ROGDI: variants seen among roughly 807,000 people sequenced by gnomAD.
ROGDI encodes protein rogdi homolog.
In ROGDI, 46 loss-of-function variants were observed where a neutral mutation model predicts 43.1. That is an observed-to-expected ratio of 1.07 (90% CI 0.84 to 1.37). ROGDI has a LOEUF of 1.37. Among genes scored for constraint, ROGDI ranks in the 40% most tolerant of loss-of-function variants. The pLI, the probability that ROGDI is intolerant of heterozygous loss-of-function variation, is 0.00. For missense variants in ROGDI, 518 were observed against 383.9 expected, an observed-to-expected ratio of 1.35 and a Z score of -2.92; for synonymous variants, 243 against 162.0, an observed-to-expected ratio of 1.50 and a Z score of -3.80.
At chr16:4,800,183 G>C (rs1188444215) in intron 5 of ROGDI, among the ~76,000 whole-genome samples, 2 of 152,196 alleles carry the variant, frequency 1.3e-5, no homozygotes, top group African/African-American at 4.8e-5. Context: ...GCCATGGCAA[G>C]TCCCTGGAGG....
intron 2 of ROGDI, chr16:4,801,950 A>G (rs2082730875): frequency 1.0e-5 from 6 of 573,262 alleles, no homozygotes; most frequent in Non-Finnish European, 2.0e-5. Context: ...TACGCCGGTT[A>G]CTTCTGTGAG....
rs369198714 is a variant in ROGDI at position 4,801,336 on chromosome 16, G to A, written c.201-15C>T. The stretch of plus-strand genomic sequence containing the variant: ...CCTGGTCTGTGCTGTAACATGTGGC[G>A]TCAGAGCGGTGCCTGTGGTCACCCC... On this transcript the variant is annotated splice_polypyrimidine_tract_variant and intron_variant, in intron 3 of 10. Transcript: ENST00000322048. The A allele has an allele frequency of 3.7e-5, 59 of 1,600,394 alleles. No individual in the cohort carries two copies. In the Middle Eastern group the frequency reaches 1.3e-3, roughly 36 times the overall value.
intron 2 of ROGDI, 49 bp from the exon 3 acceptor site, chr16:4,801,634 G>T: frequency 6.7e-7 from 1 of 1,502,068 alleles, no homozygotes; most frequent in Non-Finnish European, 9.1e-7. Flanking sequence ...ACTCAGGCCC[G>T]GCCCAGTGCT....
intron 4 of ROGDI, 42 bp from the exon 5 acceptor site, chr16:4,800,620 C>G (rs780059307): frequency 2.1e-6 from 3 of 1,460,726 alleles, no homozygotes; most frequent in Admixed American, 2.0e-5. Context: ...TGGGGGGGCA[C>G]CTCCTGCCAC....
At position 4,799,786 on chromosome 16, in the gene ROGDI, A is replaced by T; in HGVS notation, c.337-5T>A. On this transcript the variant is annotated splice_polypyrimidine_tract_variant and splice_region_variant and intron_variant, in intron 5 of 10. Transcript: ENST00000322048. ...ATGGTTTCTGGCATCCTGGATCTGGAAGCAGGGGTCATCCAGAGGGGTCAC... is the reference window on the plus strand; with the variant it reads ...ATGGTTTCTGGCATCCTGGATCTGGTAGCAGGGGTCATCCAGAGGGGTCAC... 1 of 1,610,274 alleles carries T rather than the reference A, an allele frequency of 6.2e-7. No individual in the cohort carries two copies. Among genetic ancestry groups the T allele is most frequent in the Non-Finnish European group, 8.5e-7 (1 of 1,177,112 alleles).
At chr16:4,802,488 G>C (rs1346569993) in intron 1 of ROGDI, 35 bp from the exon 2 acceptor site, 2 of 1,211,112 alleles carry the variant, frequency 1.7e-6, no homozygotes, top group Non-Finnish European at 2.0e-6. Context: ...GCCCGGCCCC[G>C]CCGCCCCGCC....
At chr16:4,798,484 G>A in intron 7 of ROGDI, 85 bp downstream of exon 7, 4 of 1,049,218 alleles carry the variant, frequency 3.8e-6, no homozygotes, top group Non-Finnish European at 5.4e-6. Flanking sequence ...TCTGGGAGTG[G>A]CACCCCTCCG....
Position 4,798,217 on chromosome 16 carries a change from A to G in ROGDI, c.532-33T>C, listed in dbSNP as rs1353587056. 5.1e-6 allele frequency: 8 copies of G among 1,564,280 alleles called. No individual in the cohort carries two copies. In the South Asian group the frequency reaches 9.0e-5, roughly 18 times the overall value. On this transcript the variant is annotated intron_variant, in intron 7 of 10. Coordinates refer to ENST00000322048, the MANE Select transcript of ROGDI (RefSeq NM_024589.3). The stretch of plus-strand genomic sequence containing the variant: ...AGGCAGGTGGGATGAGGCCCTCGCA[A>G]GCCCCCAGCCCAGGCTGGATGGAGC...
chr16:4,801,187 G>T, intron 4 of ROGDI, 80 bp downstream of exon 4: 1 of 1,251,482 alleles, frequency 8.0e-7, no homozygotes, highest in Non-Finnish European at 1.1e-6. Flanking sequence ...AGAGTCGCAG[G>T]GCTTGTACAG....
At chr16:4,801,032 C>A (rs2082709106) in intron 4 of ROGDI, 1 of 513,462 alleles carries the variant, frequency 1.9e-6, no homozygotes, top group Non-Finnish European at 3.4e-6. Context: ...TTTCACTGGT[C>A]CGGACGCCAG....
At chr16:4,797,690 T>A in intron 10 of ROGDI, 24 bp downstream of exon 10, 1 of 1,167,350 alleles carries the variant, frequency 8.6e-7, no homozygotes, top group Non-Finnish European at 1.1e-6. Context: ...CTTCCCCTAA[T>A]GAAGGCGCTC....
intron 2 of ROGDI, chr16:4,802,168 C>A: frequency 1.5e-6 from 1 of 654,290 alleles, no homozygotes; most frequent in Non-Finnish European, 2.8e-6. Flanking sequence ...GGACTCAGGC[C>A]CTTGCTAGCA....
chr16:4,799,073 C>CACGGCTG (rs1045307209), intron 6 of ROGDI, among the ~76,000 whole-genome samples: 4 of 151,996 alleles, frequency 2.6e-5, no homozygotes, highest in African/African-American at 9.7e-5. Flanking sequence ...AAGCCAGGGT[C>CACGGCTG]ACGGCTGATG....
intron 7 of ROGDI, 141 bp downstream of exon 7, chr16:4,798,428 G>A: frequency 4.0e-6 from 3 of 759,028 alleles, no homozygotes; most frequent in South Asian, 3.6e-5. Flanking sequence ...CGGAAGCCAA[G>A]GACCCCATCC....
intron 4 of ROGDI, 28 bp downstream of exon 4, chr16:4,801,239 T>G (rs753279175): frequency 1.3e-6 from 2 of 1,576,302 alleles, no homozygotes; most frequent in Non-Finnish European, 1.7e-6. Flanking sequence ...ATTGGCAGGA[T>G]GGGAGGGGAC....
chr16:4,797,424 G>A lies in ROGDI; in HGVS notation c.*36C>T. ...GTGGTGGGTATGAGTAGGGGACGGG[G>A]CCGCCTTCCTGGAGACAAGCTCCTG... On this transcript the variant is annotated 3_prime_UTR_variant, in exon 11 of 11. Coordinates refer to ENST00000322048, the MANE Select transcript of ROGDI (RefSeq NM_024589.3). 1.2e-6 allele frequency: 2 copies of A among 1,600,404 alleles called. No individual in the cohort carries two copies. Among genetic ancestry groups the A allele is most frequent in the South Asian group, 2.2e-5 (2 of 89,114 alleles).
rs747235473 is a variant in ROGDI at position 4,801,549 on chromosome 16, T to C, written c.154A>G (p.Thr52Ala). Reference sequence around the variant, plus strand: ...TTCTCTTGCTTGGCGGGCCCCTCAGTGCCGGAGCCCGGCAGAGTGAAGCGC... The same window carrying C: ...TTCTCTTGCTTGGCGGGCCCCTCAGCGCCGGAGCCCGGCAGAGTGAAGCGC... ...SLRFTLPGSG[T>A]EGPAKQENFI... The change falls in exon 3 of 11, where the codon ACT becomes GCT. Residue 52 changes from threonine (T) to alanine (A), a missense_variant. Physicochemically the swap from Thr to Ala is moderately conservative, Grantham distance 58. Transcript: ENST00000322048. The C allele has an allele frequency of 1.4e-5, 23 of 1,606,918 alleles. No homozygotes were observed. In the East Asian group the frequency reaches 2.2e-4, roughly 16 times the overall value.
chr16:4,799,779 G>A lies in ROGDI; in HGVS notation c.339C>T (p.Ile113=), dbSNP rs1161829085. 6.2e-7 allele frequency: 1 copy of A among 1,612,480 alleles called. No homozygotes were observed. Among genetic ancestry groups the A allele is most frequent in the South Asian group, 1.1e-5 (1 of 90,910 alleles). ...REDKQWKLQQ[I]QDARNHVSQA... is the part of the protein sequence containing the mutation. ...GGCTCACATGGTTTCTGGCATCCTG[G>A]ATCTGGAAGCAGGGGTCATCCAGAG... The change falls in exon 6 of 11, where the codon ATC becomes ATT. Residue 113 remains isoleucine, a splice_region_variant and synonymous_variant. Coordinates refer to ENST00000322048, the MANE Select transcript of ROGDI (RefSeq NM_024589.3).
Position 4,797,281 on chromosome 16 carries a change from C to T in ROGDI, c.*179G>A, listed in dbSNP as rs1294115779. 1.9e-5 allele frequency: 12 copies of T among 620,704 alleles called. No homozygotes were observed. The highest frequency in any genetic ancestry group is 3.1e-5 in the Non-Finnish European group (11 of 360,622). The allele number at this position is 620,704 out of a possible 1,614,324, so 38.4% of individuals were successfully genotyped here. ...CCTCCCCACTACCCCACCAAACCAGCCTTCCTTCCTCCTGGCACTTCCAGT... is the reference window on the plus strand; with the variant it reads ...CCTCCCCACTACCCCACCAAACCAGTCTTCCTTCCTCCTGGCACTTCCAGT... On this transcript the variant is annotated 3_prime_UTR_variant, in exon 11 of 11. Coordinates refer to ENST00000322048, the MANE Select transcript of ROGDI (RefSeq NM_024589.3).
Sources: allele counts gnomAD v4.1 joint callset (sites outside exome capture counted in the v4.1 genomes callset), GRCh38; gene constraint gnomAD v4.1.1; transcripts MANE v1.5; gene names NCBI Gene and HGNC (gene_info 2026-07-23, HGNC 2026-07-21).